Variants in IQGAP2 observed in about 807,000 individuals in gnomAD.
IQGAP2 encodes the protein ras GTPase-activating-like protein IQGAP2.
A neutral mutation model predicts 201.3 loss-of-function variants in IQGAP2; 173 were observed. The observed-to-expected ratio is 0.86, with a 90% confidence interval of 0.76 to 0.98. The LOEUF (loss-of-function observed/expected upper bound fraction) is 0.98. Among genes scored for constraint, IQGAP2 ranks in the 50% least tolerant of loss-of-function variants. IQGAP2 has a pLI of 0.00. For missense variants in IQGAP2, 1,687 were observed against 1,864.8 expected, an observed-to-expected ratio of 0.90 and a Z score of 1.76; for synonymous variants, 675 against 673.9, an observed-to-expected ratio of 1.00 and a Z score of -0.03.
intron 2 of IQGAP2, among the ~76,000 whole-genome samples, chr5:76,463,139 A>AGG (rs1754575135): frequency 6.6e-6 from 1 of 151,138 alleles, no homozygotes; most frequent in African/African-American, 2.4e-5. Context: ...AAAAAAAAAA[A>AGG]AAAAGGAAAA....
At chr5:76,677,908 G>T (rs1744962050) in intron 28 of IQGAP2, among the ~76,000 whole-genome samples, 1 of 152,068 alleles carries the variant, frequency 6.6e-6, no homozygotes, top group Non-Finnish European at 1.5e-5. Context: ...TCCAGCCGGG[G>T]CAACAGAGCG....
intron 13 of IQGAP2, among the ~76,000 whole-genome samples, chr5:76,627,099 T>G (rs1402890414): frequency 6.6e-6 from 1 of 152,086 alleles, no homozygotes; most frequent in African/African-American, 2.4e-5. Context: ...GAAGGGATCC[T>G]CTGGGCCCTC....
intron 2 of IQGAP2, among the ~76,000 whole-genome samples, chr5:76,546,242 C>A (rs1743088197): frequency 6.6e-6 from 1 of 152,132 alleles, no homozygotes; most frequent in African/African-American, 2.4e-5. Flanking sequence ...TCAAAACCAG[C>A]CTAGCCAACG....
At chr5:76,560,069 A>G (rs1329248740) in intron 2 of IQGAP2, among the ~76,000 whole-genome samples, 2 of 152,194 alleles carry the variant, frequency 1.3e-5, no homozygotes, top group Non-Finnish European at 2.9e-5. Flanking sequence ...TATAGCTCAC[A>G]TTTATTTCAG....
intron 1 of IQGAP2, among the ~76,000 whole-genome samples, chr5:76,407,426 T>C: frequency 6.6e-6 from 1 of 152,206 alleles, no homozygotes; most frequent in Admixed American, 6.5e-5. Flanking sequence ...TCTGAAGTAG[T>C]TAAACGCAGT....
In IQGAP2 at chr5:76,521,028, A is replaced by G. The variant is rs146328750; in HGVS notation, c.147-41368A>G. ...GGCCTAGGTCTCTCCTTTTATCTAG[A>G]TTGTCTCTGACTTCTTTCATCAGTG... On this transcript the variant is annotated intron_variant, in intron 2 of 35. Coordinates refer to ENST00000274364, the MANE Select transcript of IQGAP2 (RefSeq NM_006633.5). Among the ~76,000 whole-genome samples the G allele has an allele frequency of 7.4e-4, 113 of 151,996 alleles. 1 individual carries two copies. Among genetic ancestry groups the G allele is most frequent in the African/African-American group, 2.7e-3 (111 of 41,480 alleles).
intron 4 of IQGAP2, among the ~76,000 whole-genome samples, chr5:76,574,367 G>A (rs1244838110): frequency 1.3e-5 from 2 of 152,240 alleles, no homozygotes; most frequent in East Asian, 3.9e-4. Context: ...GCAGTGGCAC[G>A]TGCTTGGCTT....
intron 3 of IQGAP2, among the ~76,000 whole-genome samples, chr5:76,568,887 G>T (rs1197767797): frequency 6.6e-6 from 1 of 152,170 alleles, no homozygotes; most frequent in Non-Finnish European, 1.5e-5. Context: ...TTATTTTGTG[G>T]CACAGAGGGT....
intron 32 of IQGAP2, among the ~76,000 whole-genome samples, chr5:76,697,689 C>T (rs554215074): frequency 7.9e-5 from 12 of 152,142 alleles, no homozygotes; most frequent in African/African-American, 2.6e-4. Context: ...CCTTTTAAAA[C>T]GCAATTTTTC....
intron 2 of IQGAP2, among the ~76,000 whole-genome samples, chr5:76,490,987 C>CTTTT (rs767214200): frequency 1.8e-5 from 2 of 113,008 alleles, no homozygotes; most frequent in Non-Finnish European, 3.8e-5. Context: ...AGATTTTCAT[C>CTTTT]TTTTTTTTTT....
intron 1 of IQGAP2, among the ~76,000 whole-genome samples, chr5:76,426,200 A>G (rs1751985924): frequency 6.6e-6 from 1 of 152,222 alleles, no homozygotes; most frequent in Non-Finnish European, 1.5e-5. Flanking sequence ...AAAGCATGCC[A>G]GGCCTGGAGC....
At chr5:76,483,833 G>A (rs1462507080) in intron 2 of IQGAP2, among the ~76,000 whole-genome samples, 1 of 152,178 alleles carries the variant, frequency 6.6e-6, no homozygotes. Flanking sequence ...AGAATTGGGG[G>A]GATGGGGAGA....
intron 1 of IQGAP2, among the ~76,000 whole-genome samples, chr5:76,428,622 G>A (rs1424729124): frequency 1.3e-5 from 2 of 150,848 alleles, no homozygotes; most frequent in East Asian, 2.0e-4. Flanking sequence ...TAGTAGAGAC[G>A]GGGTTTCACC....
intron 13 of IQGAP2, among the ~76,000 whole-genome samples, chr5:76,620,600 A>G (rs1749554862): frequency 6.6e-6 from 1 of 152,204 alleles, no homozygotes; most frequent in African/African-American, 2.4e-5. Context: ...TGTGGGTCCA[A>G]AATTCCAGGA....
chr5:76,623,236 T>G (rs1482856656), intron 13 of IQGAP2: 3 of 1,614,214 alleles, frequency 1.9e-6, no homozygotes, highest in African/African-American at 1.3e-5. Flanking sequence ...TTCATTTTGA[T>G]GACCTGAGTC....
At chr5:76,607,445 T>A (rs576378560) in intron 12 of IQGAP2, 14 of 152,306 alleles carry the variant, frequency 9.2e-5, no homozygotes, top group Non-Finnish European at 1.6e-4. Context: ...GTTACACTGA[T>A]CCCTGGACAC....
At chr5:76,599,248 T>C (rs1210572550) in intron 10 of IQGAP2, among the ~76,000 whole-genome samples, 3 of 152,150 alleles carry the variant, frequency 2.0e-5, no homozygotes, top group Non-Finnish European at 4.4e-5. Context: ...AGACTCCCTA[T>C]GTTTCCTAAA....
At chr5:76,492,286 C>T (rs1756600230) in intron 2 of IQGAP2, among the ~76,000 whole-genome samples, 1 of 152,144 alleles carries the variant, frequency 6.6e-6, no homozygotes, top group African/African-American at 2.4e-5. Flanking sequence ...TGCTTTCAGG[C>T]CATGTTCTCT....
At chr5:76,422,002 A>G (rs549884146) in intron 1 of IQGAP2, among the ~76,000 whole-genome samples, 1 of 152,340 alleles carries the variant, frequency 6.6e-6, no homozygotes, top group South Asian at 2.1e-4. Flanking sequence ...TGCCTGACAC[A>G]TAGAAAGCAT....
Sources: gnomAD v4.1 joint callset for allele counts (sites outside exome capture counted in the v4.1 genomes callset) on GRCh38, gnomAD v4.1.1 for gene constraint, MANE v1.5 for transcripts, NCBI Gene and HGNC (gene_info 2026-07-23, HGNC 2026-07-21) for gene names.